Variants in HDAC9 observed in about 807,000 individuals in gnomAD.
HDAC9 encodes MEF-2 interacting transcription repressor (MITR) protein.
A neutral mutation model predicts 139.4 loss-of-function variants in HDAC9; 41 were observed. The observed-to-expected ratio is 0.29, with a 90% CI of 0.23 to 0.38. HDAC9 has a LOEUF of 0.38. Ranked by LOEUF, HDAC9 falls within the 10% of genes least tolerant of loss-of-function variation. The probability of loss-of-function intolerance (pLI) is 1.00; values close to 1 mark genes in which losing one functional copy is unlikely to be tolerated. For synonymous variants in HDAC9, 517 were observed against 476.2 expected, an observed-to-expected ratio of 1.09 and a Z score of -1.12; for missense variants, 1,147 against 1,297.0, an observed-to-expected ratio of 0.88 and a Z score of 1.78.
At chr7:18,274,690 A>G (rs1354046402) in intron 2 of HDAC9, among the ~76,000 whole-genome samples, 1 of 152,224 alleles carries the variant, frequency 6.6e-6, no homozygotes, top group Non-Finnish European at 1.5e-5. Flanking sequence ...CGGTCTGAGA[A>G]AGAATGAACT....
chr7:18,544,722 GAC>G (rs1485329407), intron 2 of HDAC9, among the ~76,000 whole-genome samples: 1 of 152,168 alleles, frequency 6.6e-6, no homozygotes, highest in African/African-American at 2.4e-5. Flanking sequence ...ACTAAGGAAA[GAC>G]AGTATTTCAG....
At chr7:18,265,979 G>C (rs764498030) in intron 2 of HDAC9, among the ~76,000 whole-genome samples, 1 of 152,126 alleles carries the variant, frequency 6.6e-6, no homozygotes, top group African/African-American at 2.4e-5. Context: ...TCGCAATGTA[G>C]AAGCTGACAC....
At chr7:18,905,451 T>G (rs892853015) in intron 22 of HDAC9, among the ~76,000 whole-genome samples, 29 of 152,192 alleles carry the variant, frequency 1.9e-4, no homozygotes, top group Non-Finnish European at 2.5e-4. Flanking sequence ...ATTGTACAAG[T>G]GAGGTGGTGA....
chr7:18,488,416 T>C (rs1371146236), intron 1 of HDAC9, among the ~76,000 whole-genome samples: 2 of 152,032 alleles, frequency 1.3e-5, no homozygotes, highest in African/African-American at 4.8e-5. Flanking sequence ...AGTTGCTTAG[T>C]TATCTTATAT....
chr7:18,309,972 A>G (rs1484702875), intron 1 of HDAC9, among the ~76,000 whole-genome samples: 1 of 152,214 alleles, frequency 6.6e-6, no homozygotes, highest in Non-Finnish European at 1.5e-5. Flanking sequence ...TCAAAGTGTG[A>G]TTCCTGGACC....
chr7:18,658,899 C>CAAAAAAAAAAAAAA (rs11306117), intron 11 of HDAC9, among the ~76,000 whole-genome samples: 10 of 118,122 alleles, frequency 8.5e-5, no homozygotes, highest in South Asian at 2.6e-4. Context: ...AAAAAAAAAG[C>CAAAAAAAAAAAAAA]AAAAAAAAAA....
intron 1 of HDAC9, among the ~76,000 whole-genome samples, chr7:18,454,665 C>G (rs213267): frequency 3.9e-5 from 6 of 152,082 alleles, no homozygotes; most frequent in African/African-American, 1.4e-4. Context: ...AACCTGTGAA[C>G]AGCAAGAAAC....
chr7:18,969,455 A>G (rs1034789941), intron 24 of HDAC9, among the ~76,000 whole-genome samples: 3 of 152,226 alleles, frequency 2.0e-5, no homozygotes, highest in Non-Finnish European at 2.9e-5. Context: ...CTCAAATAAT[A>G]TGACAAAATC....
At chr7:18,659,588 C>G (rs1184701782) in intron 11 of HDAC9, among the ~76,000 whole-genome samples, 2 of 152,070 alleles carry the variant, frequency 1.3e-5, no homozygotes, top group African/African-American at 2.4e-5. Context: ...CCGTGGCATG[C>G]TTAGTGTTCG....
At chr7:18,359,454 A>T (rs930481107) in intron 1 of HDAC9, among the ~76,000 whole-genome samples, 20 of 152,222 alleles carry the variant, frequency 1.3e-4, no homozygotes, top group Non-Finnish European at 5.9e-5. Context: ...TTCTTCCACT[A>T]ACCTGCTTTT....
At chr7:18,885,284 A>G (rs186576552) in intron 22 of HDAC9, among the ~76,000 whole-genome samples, 1 of 152,182 alleles carries the variant, frequency 6.6e-6, no homozygotes. Context: ...GGGAACATTA[A>G]TTTCATCCTG....
intron 22 of HDAC9, among the ~76,000 whole-genome samples, chr7:18,934,531 AG>A (rs1183219062): frequency 1.3e-5 from 2 of 152,202 alleles, no homozygotes; most frequent in East Asian, 3.9e-4. Context: ...TATGGGGAAA[AG>A]TCTATCTGTG....
chr7:18,595,786 T>C (rs1180599801), intron 6 of HDAC9, among the ~76,000 whole-genome samples: 2 of 152,014 alleles, frequency 1.3e-5, no homozygotes, highest in African/African-American at 4.8e-5. Flanking sequence ...TTTGGGAACA[T>C]TAAGCACCCA....
chr7:18,924,655 C>CAT (rs1804053186), intron 22 of HDAC9, among the ~76,000 whole-genome samples: 1 of 152,082 alleles, frequency 6.6e-6, no homozygotes. Flanking sequence ...TGATACTTAT[C>CAT]TAGCACTTTA....
intron 22 of HDAC9, among the ~76,000 whole-genome samples, chr7:18,903,135 G>C (rs1386801873): frequency 6.6e-6 from 1 of 152,200 alleles, no homozygotes; most frequent in Non-Finnish European, 1.5e-5. Flanking sequence ...GGAGAAAGGA[G>C]GTGCTTTGAG....
intron 1 of HDAC9, among the ~76,000 whole-genome samples, chr7:18,477,899 A>G (rs1484816757): frequency 6.6e-6 from 1 of 152,032 alleles, no homozygotes; most frequent in Non-Finnish European, 1.5e-5. Context: ...AATAGTTTTC[A>G]TTTTAGCTTA....
At chr7:18,664,141 T>C (rs1373376659) in intron 11 of HDAC9, among the ~76,000 whole-genome samples, 1 of 152,146 alleles carries the variant, frequency 6.6e-6, no homozygotes, top group Non-Finnish European at 1.5e-5. Context: ...CAAAGTACTA[T>C]GTATTAAAGA....
intron 25 of HDAC9, among the ~76,000 whole-genome samples, chr7:18,990,125 G>T (rs1332958354): frequency 6.6e-6 from 1 of 152,136 alleles, no homozygotes; most frequent in African/African-American, 2.4e-5. Flanking sequence ...AGGAGGAGAG[G>T]CACTCTGCGT....
chr7:18,396,605 G>A (rs1787086946), intron 1 of HDAC9, among the ~76,000 whole-genome samples: 1 of 152,030 alleles, frequency 6.6e-6, no homozygotes. Flanking sequence ...AGGGATAGAG[G>A]TCAAGGTGTT....
Sources: gnomAD v4.1 joint callset for allele counts (sites outside exome capture counted in the v4.1 genomes callset) on GRCh38, gnomAD v4.1.1 for gene constraint, MANE v1.5 for transcripts, NCBI Gene and HGNC (gene_info 2026-07-23, HGNC 2026-07-21) for gene names.